The following BNC2 variants were observed in gnomAD, a reference collection of about 807,000 sequenced individuals.
The protein encoded by BNC2 is basonuclin zinc finger protein 2.
A neutral mutation model predicts 76.3 loss-of-function variants in BNC2; 20 were observed. The ratio of observed to expected loss-of-function variants is 0.26; its 90% CI spans 0.18 to 0.38. BNC2 has a LOEUF of 0.38. Among genes scored for constraint, BNC2 ranks in the 10% least tolerant of loss-of-function variants. The pLI is 1.00. For synonymous variants in BNC2, 582 were observed against 514.8 expected, an observed-to-expected ratio of 1.13 and a Z score of -1.77; for missense variants, 1,382 against 1,399.8, an observed-to-expected ratio of 0.99 and a Z score of 0.20.
At chr9:16,610,262 G>A (rs1820506366) in intron 3 of BNC2, among the ~76,000 whole-genome samples, 1 of 152,150 alleles carries the variant, frequency 6.6e-6, no homozygotes, top group South Asian at 2.1e-4. Context: ...TGCTCATAGA[G>A]TGGCATTTGG....
intron 3 of BNC2, among the ~76,000 whole-genome samples, chr9:16,599,133 G>T (rs1820173865): frequency 6.6e-6 from 1 of 152,166 alleles, no homozygotes; most frequent in South Asian, 2.1e-4. Flanking sequence ...GACAATGCTA[G>T]AAATTATGAA....
intron 5 of BNC2, among the ~76,000 whole-genome samples, chr9:16,518,903 A>G (rs1206021881): frequency 6.6e-6 from 1 of 152,216 alleles, no homozygotes; most frequent in African/African-American, 2.4e-5. Context: ...GCCCGGCCCT[A>G]AAGTCATATT....
At chr9:16,696,983 G>C (rs1230009882) in intron 3 of BNC2, among the ~76,000 whole-genome samples, 1 of 152,120 alleles carries the variant, frequency 6.6e-6, no homozygotes, top group Non-Finnish European at 1.5e-5. Context: ...TTTCCTTTCA[G>C]CTTACTTCTG....
At chr9:16,697,498 G>C (rs1823374043) in intron 3 of BNC2, among the ~76,000 whole-genome samples, 1 of 152,134 alleles carries the variant, frequency 6.6e-6, no homozygotes, top group African/African-American at 2.4e-5. Context: ...GAGGCAGGTG[G>C]ACTGCTTGAG....
chr9:16,628,422 T>C lies in BNC2; in HGVS notation c.331-45337A>G, dbSNP rs147938969. ...CAGAAAATGTTGTCACTTTATCAAG[T>C]GGAACGCCGTGAGAGGTCAATTAAA... is the stretch of plus-strand genomic sequence containing the variant. On this transcript the variant is annotated intron_variant, in intron 3 of 6. Transcript: ENST00000380672. 1.7e-3 allele frequency among the ~76,000 whole-genome samples: 253 copies of C among 152,298 alleles called. 1 individual carries two copies. Among genetic ancestry groups the C allele is most frequent in the African/African-American group, 5.8e-3 (240 of 41,582 alleles).
intron 1 of BNC2, among the ~76,000 whole-genome samples, chr9:16,851,581 G>A (rs575499194): frequency 6.6e-6 from 1 of 152,240 alleles, no homozygotes; most frequent in South Asian, 2.1e-4. Flanking sequence ...TTATTTTCCT[G>A]TGTCTTGAAA....
At chr9:16,580,551 C>G (rs1819604880) in intron 4 of BNC2, among the ~76,000 whole-genome samples, 1 of 152,004 alleles carries the variant, frequency 6.6e-6, no homozygotes, top group Admixed American at 6.6e-5. Flanking sequence ...CAATCACTGG[C>G]CAGGAATAAT....
chr9:16,471,151 A>G (rs1291051658), intron 5 of BNC2, among the ~76,000 whole-genome samples: 1 of 152,090 alleles, frequency 6.6e-6, no homozygotes, highest in Non-Finnish European at 1.5e-5. Flanking sequence ...GCAGCTTTAA[A>G]ATTTGACTGC....
intron 5 of BNC2, among the ~76,000 whole-genome samples, chr9:16,480,657 C>A (rs1236975534): frequency 6.6e-6 from 1 of 152,214 alleles, no homozygotes; most frequent in African/African-American, 2.4e-5. Context: ...CCCGGGCCAG[C>A]GGCTGCGGAG....
intron 3 of BNC2, among the ~76,000 whole-genome samples, chr9:16,603,083 T>C (rs1820288028): frequency 6.6e-6 from 1 of 152,240 alleles, no homozygotes; most frequent in Admixed American, 6.5e-5. Flanking sequence ...AAGATGCTGA[T>C]GGTTACCCTT....
At chr9:16,765,321 A>C (rs1169979417) in intron 1 of BNC2, among the ~76,000 whole-genome samples, 1 of 152,198 alleles carries the variant, frequency 6.6e-6, no homozygotes, top group African/African-American at 2.4e-5. Context: ...ATGCAATAAT[A>C]ATTTGCTTAA....
intron 3 of BNC2, among the ~76,000 whole-genome samples, chr9:16,640,092 CA>C (rs200612050): frequency 3.9e-4 from 56 of 143,068 alleles, no homozygotes; most frequent in East Asian, 8.1e-4. Flanking sequence ...CTCTTCTTCA[CA>C]AAAAAAAAAA....
chr9:16,530,650 T>C (rs1228919062), intron 5 of BNC2, among the ~76,000 whole-genome samples: 1 of 152,218 alleles, frequency 6.6e-6, no homozygotes, highest in Non-Finnish European at 1.5e-5. Context: ...ACTTTTTGCA[T>C]TTGTTCACAA....
chr9:16,458,612 A>G (rs1332796818), intron 5 of BNC2, among the ~76,000 whole-genome samples: 1 of 152,216 alleles, frequency 6.6e-6, no homozygotes, highest in Non-Finnish European at 1.5e-5. Flanking sequence ...TCCGCCAACT[A>G]CATGTAGAAG....
At chr9:16,813,103 C>T (rs1295518800) in intron 1 of BNC2, among the ~76,000 whole-genome samples, 1 of 151,814 alleles carries the variant, frequency 6.6e-6, no homozygotes, top group Non-Finnish European at 1.5e-5. Context: ...AAGGCTGAGG[C>T]AGGAGAATCA....
At chr9:16,529,004 T>C (rs748234806) in intron 5 of BNC2, among the ~76,000 whole-genome samples, 2 of 152,206 alleles carry the variant, frequency 1.3e-5, no homozygotes, top group African/African-American at 4.8e-5. Context: ...AAATAATCTG[T>C]TGCATGCCTC....
rs559930240 is a variant in BNC2, at chr9:16,737,238, C to CTTTTTTTTTTTTTTTT, written c.129+1106_129+1121dup. On this transcript the variant is annotated intron_variant, in intron 2 of 6. Transcript: ENST00000380672. ...TCCCACCTCAGCCACCACACCTGGC[C>CTTTTTTTTTTTTTTTT]TTTTTTTTTTTTTTTTTTTTTTTTC... Among the ~76,000 whole-genome samples, 5 of 91,302 alleles carry CTTTTTTTTTTTTTTTT rather than the reference C, an allele frequency of 5.5e-5. 1 individual carries two copies. Among genetic ancestry groups the CTTTTTTTTTTTTTTTT allele is most frequent in the African/African-American group, 1.3e-4 (3 of 23,410 alleles). The allele number at this position is 91,302 out of a possible 152,430, so 59.9% of individuals were successfully genotyped here.
intron 5 of BNC2, among the ~76,000 whole-genome samples, chr9:16,502,643 G>A (rs564005835): frequency 6.6e-6 from 1 of 152,142 alleles, no homozygotes; most frequent in African/African-American, 2.4e-5. Context: ...TTAGAGTCAA[G>A]GTCTTCCACA....
chr9:16,558,709 T>G (rs1228649790), intron 4 of BNC2, among the ~76,000 whole-genome samples: 1 of 152,000 alleles, frequency 6.6e-6, no homozygotes, highest in Non-Finnish European at 1.5e-5. Flanking sequence ...GGCGGGCGGA[T>G]CATGAGGTTA....
Sources: gnomAD v4.1 joint callset for allele counts (sites outside exome capture counted in the v4.1 genomes callset) on GRCh38, gnomAD v4.1.1 for gene constraint, MANE v1.5 for transcripts, NCBI Gene and HGNC (gene_info 2026-07-23, HGNC 2026-07-21) for gene names.